ZCWPW1: variants seen among roughly 807,000 people sequenced by gnomAD.
ZCWPW1 encodes zinc finger CW-type and PWWP domain containing 1, also known as zinc finger CW-type PWWP domain protein 1.
In ZCWPW1, 56 loss-of-function variants were observed where a neutral mutation model predicts 81.3. The ratio of observed to expected loss-of-function variants is 0.69; its 90% CI spans 0.56 to 0.86. ZCWPW1 has a LOEUF of 0.86. ZCWPW1 is among the 40% of genes least tolerant of loss of function. ZCWPW1 has a pLI of 0.00. For missense variants in ZCWPW1, 650 were observed against 769.8 expected, an observed-to-expected ratio of 0.84 and a Z score of 1.84; for synonymous variants, 250 against 273.7, an observed-to-expected ratio of 0.91 and a Z score of 0.86.
intron 13 of ZCWPW1, 137 bp from the exon 14 acceptor site, chr7:100,404,381 G>T: frequency 3.6e-6 from 3 of 829,638 alleles, no homozygotes; most frequent in Non-Finnish European, 5.7e-6. Context: ...TTATTTTTGA[G>T]ACAGGGTCTT....
chr7:100,427,845 A>C (rs1470989536), intron 1 of ZCWPW1, among the ~76,000 whole-genome samples: 1 of 151,720 alleles, frequency 6.6e-6, no homozygotes, highest in Non-Finnish European at 1.5e-5. Flanking sequence ...TAGCGGTTCA[A>C]GTCGGTGTCC....
At chr7:100,402,360 G>A in intron 16 of ZCWPW1, 156 bp downstream of exon 16, 1 of 915,460 alleles carries the variant, frequency 1.1e-6, no homozygotes, top group South Asian at 1.3e-5. Context: ...AAGCAAAGGG[G>A]TTCCAGCTCC....
Position 100,413,165 on chromosome 7 carries a change from A to G in ZCWPW1, c.754+2810T>C, listed in dbSNP as rs1794567039. 2.6e-5 allele frequency among the ~76,000 whole-genome samples: 4 copies of G among 152,302 alleles called. No homozygotes were observed. In the South Asian group the frequency reaches 6.2e-4, roughly 24 times the overall value. ...TTAATCACCAAAGGATCCTTTTAAA[A>G]CATTAATGTGAAGATGTCACTTCCC... On this transcript the variant is annotated intron_variant, in intron 8 of 17. Transcript: ENST00000684423.
chr7:100,417,611 G>A (rs1030670379), intron 5 of ZCWPW1, among the ~76,000 whole-genome samples: 7 of 151,786 alleles, frequency 4.6e-5, no homozygotes, highest in Non-Finnish European at 1.0e-4. Flanking sequence ...CCAGCTTCTC[G>A]GGAGGCTGAG....
chr7:100,416,307 G>C lies in ZCWPW1; in HGVS notation c.629C>G (p.Ala210Gly). 6.2e-7 allele frequency: 1 copy of C among 1,613,914 alleles called. No individual in the cohort carries two copies. Among genetic ancestry groups the C allele is most frequent in the Non-Finnish European group, 8.5e-7 (1 of 1,179,988 alleles). ...AAAGTATATCTGACTGTACTTACGA[G>C]CTTCCTTCTTTCTTTTGCTTAAGGT... The part of the protein sequence containing the change: ...RLTLSKRKKE[A>G]QDEKVEKTQG... The change falls in exon 7 of 18, where the codon GCT becomes GGT. Residue 210 changes from alanine to glycine, a missense_variant and splice_region_variant. Transcript: ENST00000684423.
At chr7:100,416,126 G>A (rs1339176529) in intron 7 of ZCWPW1, 29 bp from the exon 8 acceptor site, 1 of 1,611,878 alleles carries the variant, frequency 6.2e-7, no homozygotes, top group Non-Finnish European at 8.5e-7. Context: ...ACGTGAGGTG[G>A]GGAGATGAAG....
chr7:100,416,509 CTCT>C (rs1393110491), intron 6 of ZCWPW1, 53 bp from the exon 7 acceptor site: 32 of 1,589,116 alleles, frequency 2.0e-5, no homozygotes, highest in Middle Eastern at 1.8e-4. Context: ...AATTGCAGAA[CTCT>C]TCTTCTGAAA....
intron 2 of ZCWPW1, among the ~76,000 whole-genome samples, chr7:100,421,200 T>C (rs1563148131): frequency 1.3e-5 from 2 of 152,154 alleles, no homozygotes; most frequent in African/African-American, 2.4e-5. Flanking sequence ...GTGTTTTATG[T>C]GCCTAGAACC....
intron 1 of ZCWPW1, among the ~76,000 whole-genome samples, chr7:100,427,248 C>T (rs1797770644): frequency 9.3e-6 from 1 of 107,424 alleles, no homozygotes; most frequent in Non-Finnish European, 1.9e-5. Context: ...TTCCTTCCTC[C>T]CCCTTCCCTC....
At chr7:100,401,711 G>A (rs1476363957) in intron 17 of ZCWPW1, among the ~76,000 whole-genome samples, 178 bp downstream of exon 17, 3 of 152,162 alleles carry the variant, frequency 2.0e-5, no homozygotes, top group Non-Finnish European at 2.9e-5. Flanking sequence ...AATCAAATCA[G>A]GAATCATTCT....
chr7:100,418,274 C>G (rs932582760), intron 5 of ZCWPW1, among the ~76,000 whole-genome samples: 2 of 152,180 alleles, frequency 1.3e-5, no homozygotes, highest in African/African-American at 4.8e-5. Context: ...GGTATGTACC[C>G]TAAGTTTTTC....
chr7:100,407,202 T>C (rs560654716), intron 11 of ZCWPW1, 26 bp downstream of exon 11: 1 of 1,611,314 alleles, frequency 6.2e-7, no homozygotes, highest in East Asian at 2.2e-5. Context: ...CCTGAGCTCC[T>C]TCTTACCCTG....
chr7:100,413,334 C>T (rs987921549), intron 8 of ZCWPW1, among the ~76,000 whole-genome samples: 2 of 152,214 alleles, frequency 1.3e-5, no homozygotes, highest in South Asian at 2.1e-4. Context: ...CTCTGAGCTC[C>T]GCAATCACAC....
intron 2 of ZCWPW1, among the ~76,000 whole-genome samples, 178 bp downstream of exon 2, chr7:100,424,852 T>C (rs1170985997): frequency 3.3e-5 from 5 of 152,190 alleles, no homozygotes; most frequent in Non-Finnish European, 4.4e-5. Flanking sequence ...TATCTAAACC[T>C]GTAAAGATCT....
At chr7:100,425,759 T>G (rs1192132529) in intron 1 of ZCWPW1, among the ~76,000 whole-genome samples, 1 of 152,252 alleles carries the variant, frequency 6.6e-6, no homozygotes. Context: ...CCATTCTTCA[T>G]GCTAAATTTT....
chr7:100,408,762 C>A, intron 9 of ZCWPW1, 103 bp from the exon 10 acceptor site: 1 of 1,413,060 alleles, frequency 7.1e-7, no homozygotes. Context: ...GTATATGCAG[C>A]AGGTGGGACC....
chr7:100,426,153 T>G (rs1325408623), intron 1 of ZCWPW1, among the ~76,000 whole-genome samples: 2 of 152,218 alleles, frequency 1.3e-5, no homozygotes, highest in Admixed American at 6.5e-5. Context: ...CCCTTTAGCA[T>G]TGTCCTCTAA....
At chr7:100,407,399 G>T in intron 10 of ZCWPW1, 96 bp from the exon 11 acceptor site, 1 of 1,161,528 alleles carries the variant, frequency 8.6e-7, no homozygotes, top group Non-Finnish European at 1.2e-6. Context: ...AGAGCAGTAT[G>T]ATTTTTTTTC....
chr7:100,420,706 TG>T (rs1796201193), intron 2 of ZCWPW1, 28 bp from the exon 3 acceptor site: 2 of 1,599,416 alleles, frequency 1.3e-6, no homozygotes, highest in Non-Finnish European at 1.7e-6. Flanking sequence ...TTAACTGCTA[TG>T]ACTCTGATTA....
Sources: allele counts gnomAD v4.1 joint callset (sites outside exome capture counted in the v4.1 genomes callset), GRCh38; gene constraint gnomAD v4.1.1; transcripts MANE v1.5; gene names NCBI Gene and HGNC (gene_info 2026-07-23, HGNC 2026-07-21).